SULT1C4: variants seen among roughly 807,000 people sequenced by gnomAD.
SULT1C4 encodes the protein sulfotransferase 1C4.
In SULT1C4, 32 loss-of-function variants were observed where a neutral mutation model predicts 34.8. The ratio of observed to expected loss-of-function variants is 0.92; its 90% confidence interval spans 0.69 to 1.23. The LOEUF is 1.23. SULT1C4 is among the 50% of genes most tolerant of loss of function. SULT1C4 has a pLI of 0.00. For synonymous variants in SULT1C4, 111 were observed against 120.5 expected (o/e 0.92, Z 0.51); for missense variants, 375 against 365.9 (o/e 1.02, Z -0.20).
At chr2:108,382,354 C>A in intron 2 of SULT1C4, 31 bp from the exon 3 acceptor site, 2 of 1,541,402 alleles carry the variant, frequency 1.3e-6, no homozygotes, top group African/African-American at 1.4e-5. Context: ...AAAAAAAAAT[C>A]GTAGAAATTG....
chr2:108,382,498 G>A lies in SULT1C4; in HGVS notation c.393+16G>A, dbSNP rs776591221. 15 of 1,608,508 alleles carry A rather than the reference G, an allele frequency of 9.3e-6. No individual in the cohort carries two copies. Among genetic ancestry groups the A allele is most frequent in the Non-Finnish European group, 1.1e-5 (13 of 1,175,126 alleles). The stretch of plus-strand genomic sequence containing the variant: ...AAACTGTAAGGTAAAAAAGCAAAAG[G>A]AATTCAGAGTTGTACTCCTTAAAAC... On this transcript the variant is annotated intron_variant, in intron 3 of 6. Coordinates refer to ENST00000272452, the MANE Select transcript of SULT1C4 (RefSeq NM_006588.4).
intron 5 of SULT1C4, 112 bp downstream of exon 5, chr2:108,383,622 C>A (rs41485950): frequency 1.4e-5 from 12 of 866,288 alleles, no homozygotes; most frequent in Non-Finnish European, 1.9e-5. Flanking sequence ...AATTGCTGCA[C>A]TTCATTGGTT....
chr2:108,384,088 T>C (rs1678504842), intron 5 of SULT1C4, among the ~76,000 whole-genome samples: 1 of 152,092 alleles, frequency 6.6e-6, no homozygotes, highest in Non-Finnish European at 1.5e-5. Context: ...AGGCTGGTTT[T>C]GAACTCCTGA....
At chr2:108,384,548 G>A (rs1678520045) in intron 5 of SULT1C4, among the ~76,000 whole-genome samples, 1 of 152,206 alleles carries the variant, frequency 6.6e-6, no homozygotes, top group African/African-American at 2.4e-5. Context: ...GAAACTTTAA[G>A]AAGTGGTGCA....
chr2:108,381,646 A>C (rs1558700612), intron 1 of SULT1C4, 116 bp from the exon 2 acceptor site: 1 of 1,144,438 alleles, frequency 8.7e-7, no homozygotes. Context: ...TGTCTCAAAA[A>C]ACAAAACAAA....
intron 6 of SULT1C4, 77 bp downstream of exon 6, chr2:108,386,449 T>C (rs987315892): frequency 5.1e-5 from 56 of 1,105,856 alleles, no homozygotes; most frequent in Non-Finnish European, 6.4e-5. Flanking sequence ...TTTTCTTTCC[T>C]GTGTCTAGGA....
At chr2:108,383,658 A>G in intron 5 of SULT1C4, 148 bp downstream of exon 5, 1 of 630,500 alleles carries the variant, frequency 1.6e-6, no homozygotes, top group Non-Finnish European at 2.7e-6. Flanking sequence ...CAAAGTGCAC[A>G]TGGCTGATCA....
In SULT1C4 at chr2:108,388,235, TA is replaced by T. The variant is rs753467615; in HGVS notation, c.*804del. Among the ~76,000 whole-genome samples, 26 of 152,194 alleles carry T rather than the reference TA, an allele frequency of 1.7e-4. No homozygotes were observed. The highest frequency in any genetic ancestry group is 7.3e-5 in the Non-Finnish European group (5 of 68,028). On this transcript the variant is annotated 3_prime_UTR_variant, in exon 7 of 7. Transcript: ENST00000272452. ...CCCTCCAAGAAAAACTTCAGGGTCC[TA>T]GTGTAATACATCTGTCCCCATCTCT... is the stretch of plus-strand genomic sequence containing the variant.
intron 5 of SULT1C4, 62 bp downstream of exon 5, chr2:108,383,572 T>C (rs1251669364): frequency 2.7e-6 from 4 of 1,464,986 alleles, no homozygotes; most frequent in Admixed American, 1.9e-5. Context: ...TCATAATGCA[T>C]TGACCCCATC....
chr2:108,378,615 G>A, intron 1 of SULT1C4, 109 bp downstream of exon 1: 2 of 1,249,736 alleles, frequency 1.6e-6, no homozygotes, highest in Non-Finnish European at 2.2e-6. Flanking sequence ...TCTGGACAGA[G>A]TGATATGGCT....
chr2:108,381,902 C>T lies in SULT1C4; in HGVS notation c.295+15C>T. On this transcript the variant is annotated intron_variant, in intron 2 of 6. Transcript: ENST00000272452. The stretch of plus-strand genomic sequence containing the variant: ...CTTAGGATCTGGTGAGTATAAATAG[C>T]CACACTTCACTACAGTCCTAAAATG... The T allele has an allele frequency of 6.8e-7, 1 of 1,474,702 alleles. No homozygotes were observed. The highest frequency in any genetic ancestry group is 9.0e-7 in the Non-Finnish European group (1 of 1,115,928). The allele number at this position is 1,474,702 out of a possible 1,614,324, so 91.4% of individuals were successfully genotyped here.
intron 5 of SULT1C4, among the ~76,000 whole-genome samples, chr2:108,384,832 A>G (rs1678527276): frequency 6.6e-6 from 1 of 152,196 alleles, no homozygotes; most frequent in African/African-American, 2.4e-5. Context: ...GGTCGTTGAA[A>G]GCCTTGATAC....
intron 2 of SULT1C4, 109 bp downstream of exon 2, chr2:108,381,996 C>A: frequency 7.9e-7 from 1 of 1,262,596 alleles, no homozygotes; most frequent in Non-Finnish European, 1.0e-6. Flanking sequence ...TGGTAAGTTT[C>A]ATGGTTTTGT....
intron 5 of SULT1C4, among the ~76,000 whole-genome samples, chr2:108,385,889 A>G (rs938966358): frequency 6.6e-6 from 1 of 150,644 alleles, no homozygotes; most frequent in Non-Finnish European, 1.5e-5. Context: ...GCTTGTGGAC[A>G]TAACCCTGAC....
chr2:108,380,340 T>C (rs1039226548), intron 1 of SULT1C4, among the ~76,000 whole-genome samples: 3 of 151,022 alleles, frequency 2.0e-5, no homozygotes, highest in African/African-American at 4.9e-5. Context: ...ATAGGGAGAC[T>C]CCTATGTACA....
At chr2:108,383,030 A>C (rs1678455819) in intron 3 of SULT1C4, 63 bp from the exon 4 acceptor site, 1 of 1,198,846 alleles carries the variant, frequency 8.3e-7, no homozygotes, top group Non-Finnish European at 1.1e-6. Context: ...GTAACAGCAA[A>C]AAAAAAAAAA....
At chr2:108,378,951 A>C (rs1247249646) in intron 1 of SULT1C4, among the ~76,000 whole-genome samples, 1 of 152,104 alleles carries the variant, frequency 6.6e-6, no homozygotes, top group Non-Finnish European at 1.5e-5. Context: ...CTCCCATCTC[A>C]GGGTCTGAGA....
In SULT1C4 at chr2:108,378,382, G is replaced by C; in HGVS notation, c.45G>C (p.Lys15Asn). 1 of 1,614,174 alleles carries C rather than the reference G, an allele frequency of 6.2e-7. No individual in the cohort carries two copies. The highest frequency in any genetic ancestry group is 8.5e-7 in the Non-Finnish European group (1 of 1,180,022). Residue 15 changes from lysine to asparagine, a missense_variant, in exon 1 of 7, where the codon AAG (lysine) becomes AAC (asparagine). Lys to Asn is a moderately conservative substitution (Grantham distance 94, BLOSUM62 0). Coordinates refer to ENST00000272452, the MANE Select transcript of SULT1C4 (RefSeq NM_006588.4). ...DMEDFTFDGT[K>N]RLSVNYVKGI... ...AGGATTTTACATTTGATGGAACAAA[G>C]CGCTTAAGTGTCAACTACGTGAAGG...
intron 5 of SULT1C4, among the ~76,000 whole-genome samples, chr2:108,384,204 C>CTTTATTTA (rs797000968): frequency 3.2e-4 from 48 of 150,524 alleles, no homozygotes; most frequent in Middle Eastern, 3.4e-3. Context: ...GAACATAATA[C>CTTTATTTA]TTTATTTATT....
Sources: gnomAD v4.1 joint callset for allele counts (sites outside exome capture counted in the v4.1 genomes callset) on GRCh38, gnomAD v4.1.1 for gene constraint, MANE v1.5 for transcripts, NCBI Gene and HGNC (gene_info 2026-07-23, HGNC 2026-07-21) for gene names.